The following TERB1 variants were observed in gnomAD, a reference collection of about 807,000 sequenced individuals.
The protein encoded by TERB1 is telomere repeat binding bouquet formation protein 1, also known as telomere repeats-binding bouquet formation protein 1.
TERB1 carries 63 observed loss-of-function variants against 92.3 expected under a neutral mutation model. The observed-to-expected ratio is 0.68, with a 90% CI of 0.56 to 0.84. TERB1 has a LOEUF of 0.84. Ranked by LOEUF, TERB1 falls within the 40% of genes least tolerant of loss-of-function variation. The pLI is 0.00. For missense variants in TERB1, 709 were observed against 843.7 expected (o/e 0.84, Z 1.98); for synonymous variants, 252 against 283.9 (o/e 0.89, Z 1.13).
In TERB1 at chr16:66,777,304, T is replaced by C. The variant is rs777429664; in HGVS notation, c.884A>G (p.His295Arg). Residue 295 changes from histidine (H) to arginine (R), a missense_variant, in exon 11 of 19, where the codon CAC becomes CGC. Transcript: ENST00000433154. ...PTFGIVLSKY[H>R]IVSKLLALLL... is the part of the protein sequence containing the mutation. The stretch of plus-strand genomic sequence containing the variant: ...TAATGCCAGAAGTTTAGAAACAATG[T>C]GGTACTTGGAGAGTACTATCCCAAA... 13 of 1,548,524 alleles carry C rather than the reference T, an allele frequency of 8.4e-6. No homozygotes were observed. In the South Asian group the frequency reaches 1.5e-4, roughly 18 times the overall value.
In TERB1 at chr16:66,759,797, C is replaced by CAA. The variant is rs762588462; in HGVS notation, c.1781-509_1781-508dup. Among the ~76,000 whole-genome samples the CAA allele has an allele frequency of 3.7e-3, 110 of 30,070 alleles. 1 individual carries two copies. The highest frequency in any genetic ancestry group is 6.9e-3 in the African/African-American group (55 of 8,004). 19.7% of individuals were successfully genotyped at this position (30,070 alleles called of 152,430 possible). A position where few individuals can be genotyped will look rare whatever the true frequency, so the allele number is the denominator to read the frequency against. Reference sequence around the variant, plus strand: ...TGGGCGACAGAGCAAGACTCTGTCTCAAAAAAAAAAAAAAAAAAAAAAGGA... The same window carrying CAA: ...TGGGCGACAGAGCAAGACTCTGTCTCAAAAAAAAAAAAAAAAAAAAAAAAGGA... On this transcript the variant is annotated intron_variant, in intron 16 of 18. Coordinates refer to ENST00000433154, the MANE Select transcript of TERB1 (RefSeq NM_001136505.2).
Position 66,788,211 on chromosome 16 carries a change from T to G in TERB1, c.358A>C (p.Arg120=). The G allele has an allele frequency of 6.6e-7, 1 of 1,508,706 alleles. No homozygotes were observed. Among genetic ancestry groups the G allele is most frequent in the Non-Finnish European group, 8.9e-7 (1 of 1,126,178 alleles). 93.5% of individuals were successfully genotyped at this position (1,508,706 alleles called of 1,614,324 possible). Residue 120 remains arginine (R), a synonymous_variant, in exon 6 of 19, where the codon AGA becomes CGA. Coordinates refer to ENST00000433154, the MANE Select transcript of TERB1 (RefSeq NM_001136505.2). ...LSNDSNINLK[R]MSVYVILVLV... is the part of the protein sequence containing the mutation. ...ACCAAAATAACATAAACAGACATTC[T>G]TTTCAAATTTATGTTTGAATCATTA...
chr16:66,774,837 C>T (rs1301276482), intron 12 of TERB1, among the ~76,000 whole-genome samples: 1 of 151,984 alleles, frequency 6.6e-6, no homozygotes, highest in Non-Finnish European at 1.5e-5. Flanking sequence ...CAGGCATGTG[C>T]CACCATGCCC....
At chr16:66,758,892 C>A (rs367553138) in intron 17 of TERB1, 54 bp from the exon 18 acceptor site, 29 of 1,139,618 alleles carry the variant, frequency 2.5e-5, no homozygotes, top group Admixed American at 9.7e-5. Context: ...TGAGTAATAG[C>A]ATATCAATTC....
chr16:66,755,555 A>C (rs2145028983), intron 18 of TERB1, among the ~76,000 whole-genome samples: 1 of 152,322 alleles, frequency 6.6e-6, no homozygotes, highest in South Asian at 2.1e-4. Flanking sequence ...AAGGTGGATT[A>C]CTTGAGGTCA....
Position 66,777,332 on chromosome 16 carries a change from T to C in TERB1, c.856A>G (p.Thr286Ala). 1 of 1,529,912 alleles carries C rather than the reference T, an allele frequency of 6.5e-7. No homozygotes were observed. Among genetic ancestry groups the C allele is most frequent in the Non-Finnish European group, 8.8e-7 (1 of 1,130,112 alleles). 94.8% of individuals were successfully genotyped at this position (1,529,912 alleles called of 1,614,324 possible). The change falls in exon 11 of 19, where the codon ACT becomes GCT. Residue 286 changes from threonine (T) to alanine (A), a missense_variant and splice_region_variant. Coordinates refer to ENST00000433154, the MANE Select transcript of TERB1 (RefSeq NM_001136505.2). ...TVDACIADNP[T>A]FGIVLSKYHI... is the part of the protein sequence containing the mutation. ...TACTTGGAGAGTACTATCCCAAAAG[T>C]AGCTATTAGTATAAAATAGGAAAAA...
In TERB1 at chr16:66,786,147, AAAG is replaced by A; in HGVS notation, c.462-21_462-19del. On this transcript the variant is annotated intron_variant, in intron 7 of 18. Transcript: ENST00000433154. ...TAACTGTCCTATTAGGTTAAAAAGA[AAAG>A]AAAGTAAATTAATACAAATGTGTTA... 6.5e-7 allele frequency: 1 copy of A among 1,538,846 alleles called. No individual in the cohort carries two copies. Among genetic ancestry groups the A allele is most frequent in the Non-Finnish European group, 8.8e-7 (1 of 1,137,178 alleles).
intron 14 of TERB1, among the ~76,000 whole-genome samples, 166 bp from the exon 15 acceptor site, chr16:66,768,334 C>T (rs2018385384): frequency 2.6e-5 from 4 of 152,228 alleles, no homozygotes; most frequent in Admixed American, 2.6e-4. Flanking sequence ...GGGCCTGCAA[C>T]AATTACAGCC....
intron 9 of TERB1, among the ~76,000 whole-genome samples, chr16:66,781,605 C>T (rs775230037): frequency 6.6e-6 from 1 of 150,446 alleles, no homozygotes; most frequent in Non-Finnish European, 1.5e-5. Flanking sequence ...CTGCAAGCTC[C>T]ACCTCCTGGG....
intron 15 of TERB1, 81 bp downstream of exon 15, chr16:66,768,023 C>T: frequency 8.8e-7 from 1 of 1,131,886 alleles, no homozygotes; most frequent in Non-Finnish European, 1.3e-6. Context: ...CCACCGCACC[C>T]AGTCAATGTG....
chr16:66,772,653 T>C lies in TERB1; in HGVS notation c.1208A>G (p.Glu403Gly). Reference sequence around the variant, plus strand: ...AATTTCCTTTGCTTTCCTCCAGTGCTCTTCAAGATTATTCTCCTTCACACT... The same window carrying C: ...AATTTCCTTTGCTTTCCTCCAGTGCCCTTCAAGATTATTCTCCTTCACACT... ...DISVKENNLE[E>G]HWRKAKEILH... The change falls in exon 13 of 19, where the codon GAG becomes GGG. Residue 403 changes from glutamate to glycine, a missense_variant. Coordinates refer to ENST00000433154, the MANE Select transcript of TERB1 (RefSeq NM_001136505.2). 1.3e-5 allele frequency: 20 copies of C among 1,551,300 alleles called. No homozygotes were observed. The highest frequency in any genetic ancestry group is 1.7e-5 in the Non-Finnish European group (20 of 1,146,466).
Position 66,800,989 on chromosome 16 carries a change from A to T in TERB1, c.-45T>A, listed in dbSNP as rs1344416458. The T allele has an allele frequency of 6.6e-6, 1 of 152,346 alleles. No individual in the cohort carries two copies. 9.4% of individuals were successfully genotyped at this position (152,346 alleles called of 1,614,324 possible). On this transcript the variant is annotated 5_prime_UTR_variant, in exon 2 of 19. Transcript: ENST00000433154. Reference sequence around the variant, plus strand: ...GCGGCCCGCTCACCTACAGAGTTGGATGAATTCCTTGTGCAGAGCTTAGGT... The same window carrying T: ...GCGGCCCGCTCACCTACAGAGTTGGTTGAATTCCTTGTGCAGAGCTTAGGT...
In TERB1 at chr16:66,770,240, T is replaced by G. The variant is rs1394528456; in HGVS notation, c.1342A>C (p.Lys448Gln). ...SMNISIQNTW[K>Q]HLHADRIGRG... ...CCAATCCGATCTGCATGGAGATGTT[T>G]CCATGTATTCTGAATACTTATGTTC... Residue 448 changes from lysine to glutamine, a missense_variant, in exon 14 of 19, where the codon AAA (lysine) becomes CAA (glutamine). Physicochemically the swap from Lys to Gln is moderately conservative, Grantham distance 53 (BLOSUM62 1). Coordinates refer to ENST00000433154, the MANE Select transcript of TERB1 (RefSeq NM_001136505.2). 6.4e-7 allele frequency: 1 copy of G among 1,552,148 alleles called. No individual in the cohort carries two copies. Among genetic ancestry groups the G allele is most frequent in the Non-Finnish European group, 8.7e-7 (1 of 1,147,098 alleles).
Position 66,759,146 on chromosome 16 carries a change from T to C in TERB1, c.1925A>G (p.Asn642Ser). ...KSELRKSLICNKKILLTPRRR... is the reference protein window; with the variant it reads ...KSELRKSLICSKKILLTPRRR... ...AAAGCTGCTGAATTAATTACTTTTG[T>C]TACAGATAAGTGATTTCCTTAGTTC... Residue 642 changes from asparagine (N) to serine (S), a missense_variant, in exon 17 of 19, where the codon AAC becomes AGC. Transcript: ENST00000433154. 6.5e-7 allele frequency: 1 copy of C among 1,538,232 alleles called. No homozygotes were observed. The highest frequency in any genetic ancestry group is 8.7e-7 in the Non-Finnish European group (1 of 1,143,268).
chr16:66,772,875 T>C, intron 12 of TERB1, 126 bp from the exon 13 acceptor site: 1 of 695,410 alleles, frequency 1.4e-6, no homozygotes. Flanking sequence ...ACAGCTTAAT[T>C]GGTACTGAAA....
Position 66,754,907 on chromosome 16 carries a change from A to T in TERB1, c.*69T>A, listed in dbSNP as rs1308516743. 13 of 1,355,108 alleles carry T rather than the reference A, an allele frequency of 9.6e-6. No individual in the cohort carries two copies. The East Asian group carries it at 3.3e-4, about 34-fold the overall frequency. 83.9% of individuals were successfully genotyped at this position (1,355,108 alleles called of 1,614,324 possible). Reference sequence around the variant, plus strand: ...CCTTCTCATGAGAGTTTAGAAAAATACTTTAAATGTATCTTTCAAGGCACT... The same window carrying T: ...CCTTCTCATGAGAGTTTAGAAAAATTCTTTAAATGTATCTTTCAAGGCACT... On this transcript the variant is annotated 3_prime_UTR_variant, in exon 19 of 19. Coordinates refer to ENST00000433154, the MANE Select transcript of TERB1 (RefSeq NM_001136505.2).
intron 16 of TERB1, among the ~76,000 whole-genome samples, chr16:66,763,279 C>G (rs558381607): frequency 6.6e-5 from 10 of 152,210 alleles, no homozygotes; most frequent in African/African-American, 2.2e-4. Context: ...GACTTACATT[C>G]GGTTAACATA....
At chr16:66,785,949 TG>T in intron 8 of TERB1, 41 bp from the exon 9 acceptor site, 1 of 1,529,410 alleles carries the variant, frequency 6.5e-7, no homozygotes, top group South Asian at 1.3e-5. Context: ...ATATGACAAT[TG>T]GAAAATATCA....
intron 14 of TERB1, among the ~76,000 whole-genome samples, chr16:66,769,365 A>G (rs1223589628): frequency 6.6e-6 from 1 of 152,146 alleles, no homozygotes; most frequent in Non-Finnish European, 1.5e-5. Context: ...CCCGAAATGT[A>G]GCAGCATCCT....
Sources: gnomAD v4.1 joint callset for allele counts (sites outside exome capture counted in the v4.1 genomes callset) on GRCh38, gnomAD v4.1.1 for gene constraint, MANE v1.5 for transcripts, NCBI Gene and HGNC (gene_info 2026-07-23, HGNC 2026-07-21) for gene names.